The following ANGPT1 variants were observed in gnomAD, a reference collection of about 807,000 sequenced individuals.
The protein encoded by ANGPT1 is angiopoietin-1.
Under a neutral mutation model 62.2 loss-of-function variants are expected in ANGPT1, and 17 were observed. The ratio of observed to expected loss-of-function variants is 0.27; its 90% CI spans 0.19 to 0.41. The LOEUF (loss-of-function observed/expected upper bound fraction) is 0.41, where lower values mean the gene tolerates loss of function less well. ANGPT1 is among the 10% of genes least tolerant of loss of function. The pLI, the probability that ANGPT1 is intolerant of heterozygous loss-of-function variation, is 1.00. For missense variants in ANGPT1, 478 were observed against 594.9 expected (o/e 0.80, Z 2.04); for synonymous variants, 199 against 198.9 (o/e 1.00, Z 0.00).
At chr8:107,400,565 T>C (rs1283693) in intron 1 of ANGPT1, among the ~76,000 whole-genome samples, 21,272 of 151,210 alleles carry the variant, frequency 0.14, 1,742 homozygotes, top group South Asian at 0.2. Flanking sequence ...TTCTTTCTTT[T>C]TTTTTTTTTT....
At chr8:107,377,961 G>A (rs570363414) in intron 1 of ANGPT1, among the ~76,000 whole-genome samples, 6 of 152,092 alleles carry the variant, frequency 3.9e-5, no homozygotes, top group African/African-American at 1.2e-4. Context: ...TGACTCCATT[G>A]CACTGGCATA....
chr8:107,435,318 C>A (rs1373884596), intron 1 of ANGPT1, among the ~76,000 whole-genome samples: 1 of 152,200 alleles, frequency 6.6e-6, no homozygotes, highest in African/African-American at 2.4e-5. Flanking sequence ...GACTTTAAAT[C>A]TGCTAAATGA....
chr8:107,322,160 GAAA>G lies in ANGPT1; in HGVS notation c.576-35_576-33del. The G allele has an allele frequency of 2.7e-6, 4 of 1,500,100 alleles. No individual in the cohort carries two copies. The South Asian group carries it at 4.9e-5, about 18-fold the overall frequency. 92.9% of individuals were successfully genotyped at this position (1,500,100 alleles called of 1,614,324 possible). On this transcript the variant is annotated intron_variant, in intron 3 of 8. Transcript: ENST00000517746. ...GGAAGTGAAAATAAAACTTAGATTT[GAAA>G]AAATGTTATACAAAAAAACCCTTAT...
intron 3 of ANGPT1, among the ~76,000 whole-genome samples, chr8:107,333,431 C>G (rs1276580296): frequency 6.6e-6 from 1 of 152,038 alleles, no homozygotes; most frequent in African/African-American, 2.4e-5. Flanking sequence ...TGTGTGAGCA[C>G]AGAAATGAAT....
At chr8:107,370,109 C>T (rs979698244) in intron 1 of ANGPT1, among the ~76,000 whole-genome samples, 3 of 146,650 alleles carry the variant, frequency 2.0e-5, no homozygotes, top group African/African-American at 7.6e-5. Context: ...TGTGTTCCAG[C>T]CTGGGCAACA....
chr8:107,269,265 A>T (rs1183743141), intron 7 of ANGPT1, among the ~76,000 whole-genome samples: 1 of 151,962 alleles, frequency 6.6e-6, no homozygotes, highest in African/African-American at 2.4e-5. Flanking sequence ...ATACAGGTAA[A>T]TTAAGGACCA....
Position 107,251,684 on chromosome 8 carries a change from C to T in ANGPT1, c.*171G>A. ...CACCCCAAGTAGAGACTCTTGTGAA[C>T]TCAAACGGCTCCAGATTCACGGTCA... On this transcript the variant is annotated 3_prime_UTR_variant, in exon 9 of 9. Coordinates refer to ENST00000517746, the MANE Select transcript of ANGPT1 (RefSeq NM_001146.5). The T allele has an allele frequency of 1.2e-6, 1 of 803,320 alleles. No individual in the cohort carries two copies. Among genetic ancestry groups the T allele is most frequent in the Middle Eastern group, 3.8e-4 (1 of 2,632 alleles). 49.8% of individuals were successfully genotyped at this position (803,320 alleles called of 1,614,324 possible). A position where few individuals can be genotyped will look rare whatever the true frequency, so the allele number is the denominator to read the frequency against.
Position 107,497,384 on chromosome 8 carries a change from T to G in ANGPT1, c.175A>C (p.Thr59Pro). 1 of 1,614,220 alleles carries G rather than the reference T, an allele frequency of 6.2e-7. No homozygotes were observed. Among genetic ancestry groups the G allele is most frequent in the Non-Finnish European group, 8.5e-7 (1 of 1,180,028 alleles). ...EHDGNCREST[T>P]DQYNTNALQR... Reference sequence around the variant, plus strand: ...AGAGCGTTTGTGTTGTACTGGTCTGTCGTACTCTCACGACAGTTGCCATCG... The same window carrying G: ...AGAGCGTTTGTGTTGTACTGGTCTGGCGTACTCTCACGACAGTTGCCATCG... Residue 59 changes from threonine (T) to proline (P), a missense_variant, in exon 1 of 9, where the codon ACA becomes CCA. Transcript: ENST00000517746.
chr8:107,269,393 C>T (rs560243525), intron 7 of ANGPT1, among the ~76,000 whole-genome samples: 2 of 151,998 alleles, frequency 1.3e-5, no homozygotes, highest in East Asian at 3.9e-4. Flanking sequence ...TGGCTAATAT[C>T]TAGTCCTTAT....
At chr8:107,380,268 A>G (rs951859513) in intron 1 of ANGPT1, among the ~76,000 whole-genome samples, 5 of 152,074 alleles carry the variant, frequency 3.3e-5, no homozygotes, top group Non-Finnish European at 7.4e-5. Context: ...GATTCTATTC[A>G]CAAGGCAGCA....
At chr8:107,299,582 T>C (rs1002293161) in intron 5 of ANGPT1, among the ~76,000 whole-genome samples, 1 of 141,222 alleles carries the variant, frequency 7.1e-6, no homozygotes, top group Non-Finnish European at 1.5e-5. Context: ...ATAGCATATA[T>C]AGATATAGAC....
At chr8:107,378,267 T>A (rs1187376510) in intron 1 of ANGPT1, among the ~76,000 whole-genome samples, 1 of 152,162 alleles carries the variant, frequency 6.6e-6, no homozygotes, top group Non-Finnish European at 1.5e-5. Flanking sequence ...TATATTTTAA[T>A]CTGCAACTGC....
chr8:107,432,650 C>T (rs961726781), intron 1 of ANGPT1, among the ~76,000 whole-genome samples: 18 of 143,224 alleles, frequency 1.3e-4, no homozygotes, highest in South Asian at 6.6e-4. Flanking sequence ...GGCAACAGAG[C>T]GAGACTCCAT....
intron 8 of ANGPT1, among the ~76,000 whole-genome samples, chr8:107,259,433 T>C (rs1222072049): frequency 2.0e-5 from 3 of 152,172 alleles, no homozygotes; most frequent in Non-Finnish European, 4.4e-5. Context: ...TTTACGTGTA[T>C]GGCTTTATCC....
intron 1 of ANGPT1, among the ~76,000 whole-genome samples, chr8:107,384,348 A>C (rs996776079): frequency 1.4e-4 from 22 of 152,278 alleles, no homozygotes; most frequent in Middle Eastern, 6.8e-3. Flanking sequence ...TTAAAAAGGA[A>C]AAATAACATC....
At chr8:107,363,760 A>T (rs190917733) in intron 1 of ANGPT1, among the ~76,000 whole-genome samples, 74 of 152,260 alleles carry the variant, frequency 4.9e-4, no homozygotes, top group Admixed American at 7.9e-4. Context: ...TGGACAGTAA[A>T]AAAAATAATA....
chr8:107,427,026 T>G (rs1410825856), intron 1 of ANGPT1, among the ~76,000 whole-genome samples: 1 of 152,188 alleles, frequency 6.6e-6, no homozygotes, highest in Non-Finnish European at 1.5e-5. Flanking sequence ...ATTCAACTTT[T>G]CACAGAATTT....
At chr8:107,263,418 C>T (rs150262171) in intron 8 of ANGPT1, among the ~76,000 whole-genome samples, 302 of 140,746 alleles carry the variant, frequency 2.1e-3, no homozygotes, top group African/African-American at 7.7e-3. Context: ...AACAAACTAA[C>T]ATTATTTAAT....
intron 1 of ANGPT1, among the ~76,000 whole-genome samples, chr8:107,420,579 C>T (rs376333354): frequency 1.4e-3 from 216 of 152,252 alleles, no homozygotes; most frequent in Middle Eastern, 3.4e-3. Context: ...CCCAATCAGA[C>T]GGAGAAGAAC....
Sources: allele counts gnomAD v4.1 joint callset (sites outside exome capture counted in the v4.1 genomes callset), GRCh38; gene constraint gnomAD v4.1.1; transcripts MANE v1.5; gene names NCBI Gene and HGNC (gene_info 2026-07-23, HGNC 2026-07-21).